The following MAP4 variants were observed in gnomAD, a reference collection of about 807,000 sequenced individuals.
MAP4 encodes the protein microtubule associated protein 4.
Under a neutral mutation model 170.2 loss-of-function variants are expected in MAP4, and 76 were observed. That is an observed-to-expected ratio of 0.45 (90% CI 0.37 to 0.54). MAP4 has a LOEUF of 0.54. MAP4 is among the 20% of genes least tolerant of loss of function. The pLI is 0.00. For synonymous variants in MAP4, 909 were observed against 994.5 expected, an observed-to-expected ratio of 0.91 and a Z score of 1.62; for missense variants, 2,506 against 2,748.0, an observed-to-expected ratio of 0.91 and a Z score of 1.97.
chr3:48,049,066 T>C (rs939400862), intron 1 of MAP4, among the ~76,000 whole-genome samples: 2 of 152,240 alleles, frequency 1.3e-5, no homozygotes, highest in African/African-American at 4.8e-5. Flanking sequence ...CACATTACCC[T>C]TGTAGTCTAT....
chr3:47,916,919 A>C lies in MAP4; in HGVS notation c.908T>G (p.Val303Gly). The change falls in exon 7 of 21, where the codon GTC becomes GGC. Residue 303 changes from valine (V) to glycine (G), a missense_variant. Coordinates refer to ENST00000683076, the MANE Select transcript of MAP4 (RefSeq NM_001385682.1). ...QPSMESDMAL[V>G]KDMELPTEKE... is the part of the protein sequence containing the mutation. ...TTCTGTGGGTAGTTCCATGTCCTTG[A>C]CTAGGGCCATATCTGATTCCATGGA... The C allele has an allele frequency of 1.9e-6, 3 of 1,614,172 alleles. No individual in the cohort carries two copies. Among genetic ancestry groups the C allele is most frequent in the Non-Finnish European group, 2.5e-6 (3 of 1,180,030 alleles).
chr3:47,936,720 C>T (rs1359031991), intron 3 of MAP4, among the ~76,000 whole-genome samples: 3 of 151,892 alleles, frequency 2.0e-5, no homozygotes, highest in African/African-American at 7.3e-5. Flanking sequence ...GTGGCTGGCG[C>T]CTGTAATCCC....
intron 1 of MAP4, among the ~76,000 whole-genome samples, chr3:48,051,595 T>C (rs778464452): frequency 6.6e-6 from 1 of 152,174 alleles, no homozygotes; most frequent in Non-Finnish European, 1.5e-5. Context: ...AAAGAGGGAA[T>C]AGTCTATACA....
In MAP4 at chr3:47,944,296, C is replaced by A. The variant is rs2100058317; in HGVS notation, c.293-15946G>T. 2.6e-5 allele frequency among the ~76,000 whole-genome samples: 4 copies of A among 151,996 alleles called. No homozygotes were observed. The South Asian group carries it at 8.3e-4, about 32-fold the overall frequency. On this transcript the variant is annotated intron_variant, in intron 3 of 20. Coordinates refer to ENST00000683076, the MANE Select transcript of MAP4 (RefSeq NM_001385682.1). ...CTGCACTCCAGCCTGGGCGAGAGAGCAAAACTCTGTCTCAAAAACAAAAAC... is the reference window on the plus strand; with the variant it reads ...CTGCACTCCAGCCTGGGCGAGAGAGAAAAACTCTGTCTCAAAAACAAAAAC...
At chr3:47,983,071 AT>A (rs1367184188) in intron 2 of MAP4, among the ~76,000 whole-genome samples, 2 of 151,906 alleles carry the variant, frequency 1.3e-5, no homozygotes, top group Non-Finnish European at 2.9e-5. Context: ...CTCTCAGCTA[AT>A]TTTTTTATCT....
intron 2 of MAP4, among the ~76,000 whole-genome samples, chr3:47,990,152 A>G (rs973639128): frequency 6.6e-6 from 1 of 152,224 alleles, no homozygotes; most frequent in Non-Finnish European, 1.5e-5. Context: ...CTACTGGCCA[A>G]TTAAGCTGGT....
chr3:47,957,977 A>T (rs1463438148), intron 3 of MAP4, among the ~76,000 whole-genome samples: 4 of 152,194 alleles, frequency 2.6e-5, no homozygotes, highest in Non-Finnish European at 5.9e-5. Flanking sequence ...TGGAAGTGCT[A>T]GTCCCTAAGC....
intron 1 of MAP4, among the ~76,000 whole-genome samples, chr3:48,047,735 G>A (rs181967908): frequency 9.4e-4 from 143 of 152,196 alleles, no homozygotes; most frequent in African/African-American, 3.3e-3. Flanking sequence ...TTTGGTGTTC[G>A]TTCATTTTGT....
chr3:47,911,575 G>A lies in MAP4; in HGVS notation c.2846C>T (p.Ser949Phe). Residue 949 changes from serine to phenylalanine, a missense_variant, in exon 9 of 21, where the codon TCT (serine) becomes TTT (phenylalanine). Ser to Phe is a radical substitution (Grantham distance 155). Transcript: ENST00000683076. This position sits in a 1 kb window ranked among gnomAD's most constrained non-coding sequence, Gnocchi z 4.0. ...CATAACCTCTTGGTCCAAGAAAGGA[G>A]AGCAACCCTCTTTAAGTCTGATATC... is the stretch of plus-strand genomic sequence containing the variant. ...PLDIRLKEGC[S>F]PFLDQEVMGV... The A allele has an allele frequency of 6.5e-7, 1 of 1,536,116 alleles. No individual in the cohort carries two copies. The highest frequency in any genetic ancestry group is 1.4e-5 in the African/African-American group (1 of 73,160).
intron 1 of MAP4, among the ~76,000 whole-genome samples, chr3:48,051,092 CCACACACACACA>C (rs145028487): frequency 3.2e-4 from 46 of 144,018 alleles, no homozygotes; most frequent in East Asian, 4.1e-4. Flanking sequence ...CATTCAATTT[CCACACACACACA>C]CACACACACA....
At chr3:47,875,406 T>C (rs76565482) in intron 12 of MAP4, among the ~76,000 whole-genome samples, 1 of 152,200 alleles carries the variant, frequency 6.6e-6, no homozygotes, top group African/African-American at 2.4e-5. Context: ...GGTAAGAGCA[T>C]AAAAGGGCTT....
chr3:48,002,991 A>AAATTAATT (rs1553716141), intron 1 of MAP4, among the ~76,000 whole-genome samples: 4 of 150,546 alleles, frequency 2.7e-5, no homozygotes, highest in Admixed American at 2.0e-4. Flanking sequence ...ATAAATAAAT[A>AAATTAATT]AATTTAATTC....
Position 47,971,498 on chromosome 3 carries a change from GCATGACTTTACA to G in MAP4, c.292+6355_292+6366del, listed in dbSNP as rs1374342545. Among the ~76,000 whole-genome samples, 12 of 152,242 alleles carry G rather than the reference GCATGACTTTACA, an allele frequency of 7.9e-5. No individual in the cohort carries two copies. The East Asian group carries it at 1.5e-3, about 20-fold the overall frequency. On this transcript the variant is annotated intron_variant, in intron 3 of 20. Transcript: ENST00000683076. ...AAGTAGATTTACTGTTTCACTGCTG[GCATGACTTTACA>G]CATGCAAACAGTTATCACAATAGTA...
rs1349513015 is a variant in MAP4, at chr3:47,973,734, T to G, written c.292+4131A>C. The G allele has an allele frequency of 4.1e-6, 4 of 985,300 alleles. No homozygotes were observed. The Admixed American group carries it at 1.8e-4, about 45-fold the overall frequency. 61.0% of individuals were successfully genotyped at this position (985,300 alleles called of 1,614,324 possible). A position where few individuals can be genotyped will look rare whatever the true frequency, so the allele number is the denominator to read the frequency against. ...GGACTGGTTACGAGCAATAGAAAGA[T>G]GTCAAACATGATTTTTAAAAATAAC... On this transcript the variant is annotated intron_variant, in intron 3 of 20. Transcript: ENST00000683076.
chr3:48,061,873 C>CGGGA (rs2100135735), intron 1 of MAP4, among the ~76,000 whole-genome samples: 3 of 121,120 alleles, frequency 2.5e-5, no homozygotes, highest in Admixed American at 2.4e-4. Context: ...CCACCCCGTC[C>CGGGA]GGGAGGTGGG....
intron 10 of MAP4, among the ~76,000 whole-genome samples, chr3:47,895,189 T>C (rs895883853): frequency 1.3e-5 from 2 of 152,188 alleles, no homozygotes; most frequent in Admixed American, 6.5e-5. Context: ...CTTAATTTAC[T>C]GACATGGTGG....
At chr3:47,877,380 T>G in intron 11 of MAP4, 37 bp downstream of exon 11, 4 of 1,478,682 alleles carry the variant, frequency 2.7e-6, no homozygotes, top group Non-Finnish European at 3.8e-6. Flanking sequence ...GTTTAAAAAT[T>G]ATGGCAGTAG....
At chr3:47,974,421 T>C (rs953619354) in intron 3 of MAP4, 6 of 970,886 alleles carry the variant, frequency 6.2e-6, no homozygotes, top group Non-Finnish European at 7.3e-6. Flanking sequence ...AGACCCTGTC[T>C]CAAAAACAAA....
intron 1 of MAP4, among the ~76,000 whole-genome samples, chr3:48,002,349 C>G (rs527600603): frequency 1.3e-5 from 2 of 151,682 alleles, no homozygotes; most frequent in Non-Finnish European, 2.9e-5. Context: ...TTACTTGAGA[C>G]TAGGAATTCA....
Sources: gnomAD v4.1 joint callset for allele counts (sites outside exome capture counted in the v4.1 genomes callset) on GRCh38, gnomAD v4.1.1 for gene constraint, Gnocchi (gnomAD v3.1) non-coding constraint, MANE v1.5 for transcripts, NCBI Gene and HGNC (gene_info 2026-07-23, HGNC 2026-07-21) for gene names.